ARL8B: variants seen among roughly 807,000 people sequenced by gnomAD.
ARL8B encodes the protein ADP-ribosylation factor-like protein 8B.
A neutral mutation model predicts 30.6 loss-of-function variants in ARL8B; 9 were observed. The observed-to-expected ratio is 0.29, with a 90% CI of 0.18 to 0.51. ARL8B has a LOEUF of 0.51. Among genes scored for constraint, ARL8B ranks in the 20% least tolerant of loss-of-function variants. The pLI, the probability that ARL8B is intolerant of heterozygous loss-of-function variation, is 0.97. For missense variants in ARL8B, 130 were observed against 227.2 expected, an observed-to-expected ratio of 0.57 and a Z score of 2.75; for synonymous variants, 74 against 76.0, an observed-to-expected ratio of 0.97 and a Z score of 0.14.
intron 1 of ARL8B, among the ~76,000 whole-genome samples, chr3:5,125,560 T>A (rs2054223275): frequency 7.0e-6 from 1 of 143,346 alleles, no homozygotes; most frequent in Non-Finnish European, 1.5e-5. Flanking sequence ...TGAGACGGAG[T>A]CCCGCTGTGT....
chr3:5,135,001 A>C (rs1306517728), intron 1 of ARL8B, among the ~76,000 whole-genome samples: 1 of 151,972 alleles, frequency 6.6e-6, no homozygotes, highest in African/African-American at 2.4e-5. Flanking sequence ...GGCACACACC[A>C]CCACGCTTGG....
chr3:5,177,518 G>A (rs1278170653), intron 6 of ARL8B, among the ~76,000 whole-genome samples: 2 of 150,554 alleles, frequency 1.3e-5, no homozygotes, highest in African/African-American at 2.4e-5. Context: ...GTGCAGTGGC[G>A]CAATTTTGGC....
chr3:5,136,346 A>C (rs2054325762), intron 1 of ARL8B, among the ~76,000 whole-genome samples: 2 of 152,354 alleles, frequency 1.3e-5, no homozygotes, highest in South Asian at 4.1e-4. Context: ...TTTGGGTCTG[A>C]AATTCAATTC....
intron 2 of ARL8B, 155 bp downstream of exon 2, chr3:5,170,738 G>GTTT: frequency 2.8e-5 from 14 of 494,026 alleles, no homozygotes; most frequent in Admixed American, 4.0e-5. Flanking sequence ...TTGTTTTTTT[G>GTTT]TTTTTTTTTT....
At chr3:5,130,701 AT>A (rs371608121) in intron 1 of ARL8B, among the ~76,000 whole-genome samples, 2 of 151,258 alleles carry the variant, frequency 1.3e-5, no homozygotes, top group African/African-American at 4.9e-5. Flanking sequence ...ACGCCTGGCT[AT>A]TTTTTGTATT....
rs116722250 is a variant in ARL8B at position 5,133,762 on chromosome 3, C to T, written c.123+11174C>T. On this transcript the variant is annotated intron_variant, in intron 1 of 6. Transcript: ENST00000256496. ...AGGCAACATAGTGAAACTCTGGTCTCTACAAAAAATAAAAAAATAAAAAAA... is the reference window on the plus strand; with the variant it reads ...AGGCAACATAGTGAAACTCTGGTCTTTACAAAAAATAAAAAAATAAAAAAA... Among the ~76,000 whole-genome samples the T allele has an allele frequency of 3.6e-3, 554 of 152,032 alleles. 3 individuals carry two copies. Among genetic ancestry groups the T allele is most frequent in the Non-Finnish European group, 5.8e-3 (394 of 67,988 alleles).
intron 1 of ARL8B, among the ~76,000 whole-genome samples, chr3:5,148,586 C>A (rs1437584706): frequency 6.6e-6 from 1 of 151,926 alleles, no homozygotes; most frequent in Non-Finnish European, 1.5e-5. Context: ...TTATTAGGTT[C>A]TTTTTCTTCT....
chr3:5,130,185 A>ATAT (rs557173647), intron 1 of ARL8B, among the ~76,000 whole-genome samples: 1 of 121,970 alleles, frequency 8.2e-6, no homozygotes, highest in East Asian at 2.2e-4. Context: ...CTCTTAAAAA[A>ATAT]AAATATATAT....
chr3:5,124,027 C>A (rs2054206720), intron 1 of ARL8B, among the ~76,000 whole-genome samples: 1 of 152,100 alleles, frequency 6.6e-6, no homozygotes, highest in South Asian at 2.1e-4. Flanking sequence ...ACGTCCTCCA[C>A]CACGCCCGGC....
intron 1 of ARL8B, among the ~76,000 whole-genome samples, chr3:5,128,294 T>A (rs993226138): frequency 2.0e-5 from 3 of 152,162 alleles, no homozygotes; most frequent in Admixed American, 6.6e-5. Context: ...GTCTAGATGT[T>A]TTACACATCT....
chr3:5,162,777 A>G (rs1221681781), intron 1 of ARL8B, among the ~76,000 whole-genome samples: 1 of 152,146 alleles, frequency 6.6e-6, no homozygotes, highest in Non-Finnish European at 1.5e-5. Flanking sequence ...TTTTATTTTT[A>G]CTATGGATTC....
rs144064576 is a variant in ARL8B, at chr3:5,167,091, C to T, written c.124-3412C>T. 5.0e-3 allele frequency among the ~76,000 whole-genome samples: 764 copies of T among 152,236 alleles called. 2 individuals carry two copies. Among genetic ancestry groups the T allele is most frequent in the Non-Finnish European group, 8.1e-3 (549 of 68,004 alleles). ...AAGTAGCATAATTGTTAATAAGATT[C>T]CCTGACTTTGAGAATAATCTTCTTT... On this transcript the variant is annotated intron_variant, in intron 1 of 6. Coordinates refer to ENST00000256496, the MANE Select transcript of ARL8B (RefSeq NM_018184.3).
intron 1 of ARL8B, among the ~76,000 whole-genome samples, chr3:5,133,185 C>T (rs1017672686): frequency 6.6e-6 from 1 of 150,638 alleles, no homozygotes; most frequent in Admixed American, 6.6e-5. Flanking sequence ...TAGGCATAAC[C>T]TTAGTGAAGG....
At chr3:5,132,306 G>A (rs2054289835) in intron 1 of ARL8B, among the ~76,000 whole-genome samples, 1 of 151,940 alleles carries the variant, frequency 6.6e-6, no homozygotes, top group Non-Finnish European at 1.5e-5. Flanking sequence ...CCAGGCTGGA[G>A]TGCAGTGGCG....
At chr3:5,143,979 GT>G (rs2054398381) in intron 1 of ARL8B, among the ~76,000 whole-genome samples, 6 of 152,150 alleles carry the variant, frequency 3.9e-5, no homozygotes, top group Admixed American at 3.9e-4. Context: ...AGGCATTTTA[GT>G]TTCTAAGATT....
chr3:5,176,553 T>G (rs986586534), intron 6 of ARL8B, among the ~76,000 whole-genome samples: 1 of 152,192 alleles, frequency 6.6e-6, no homozygotes, highest in South Asian at 2.1e-4. Flanking sequence ...TTATTCAGTT[T>G]AAAGTGTGGA....
chr3:5,166,841 G>A (rs543686811), intron 1 of ARL8B, among the ~76,000 whole-genome samples: 18 of 152,198 alleles, frequency 1.2e-4, no homozygotes, highest in Non-Finnish European at 2.6e-4. Context: ...TCTAGGACAA[G>A]GTCTGCTTTA....
Position 5,122,578 on chromosome 3 carries a change from A to G in ARL8B, c.113A>G (p.Asn38Ser), listed in dbSNP as rs1400113230. 1.6e-5 allele frequency: 25 copies of G among 1,602,184 alleles called. No homozygotes were observed. Among genetic ancestry groups the G allele is most frequent in the Non-Finnish European group, 2.0e-5 (24 of 1,172,494 alleles). Residue 38 changes from asparagine (N) to serine (S), a missense_variant, in exon 1 of 7, where the codon AAT becomes AGT. By Grantham distance (46) the Asn-to-Ser change is conservative. Transcript: ENST00000256496. ...LQYSGKTTFV[N>S]VIASGQFSED... ...TACTCGGGCAAGACCACCTTCGTCA[A>G]TGTCATCGCGGTGAGCGCCCGCCCA...
intron 1 of ARL8B, among the ~76,000 whole-genome samples, chr3:5,160,949 G>T (rs140346158): frequency 6.6e-6 from 1 of 152,144 alleles, no homozygotes; most frequent in Admixed American, 6.5e-5. Flanking sequence ...TGTCCCCCAG[G>T]TGTCTGTCCT....
Sources: allele counts gnomAD v4.1 joint callset (sites outside exome capture counted in the v4.1 genomes callset), GRCh38; gene constraint gnomAD v4.1.1; transcripts MANE v1.5; gene names NCBI Gene and HGNC (gene_info 2026-07-23, HGNC 2026-07-21).